MAP7: variants seen among roughly 807,000 people sequenced by gnomAD.
MAP7 encodes microtubule associated protein 7.
MAP7 carries 52 observed loss-of-function variants against 94.8 expected under a neutral mutation model. The observed-to-expected ratio is 0.55, with a 90% CI of 0.44 to 0.69. The LOEUF (loss-of-function observed/expected upper bound fraction) is 0.69, where lower values mean the gene tolerates loss of function less well. Among genes scored for constraint, MAP7 ranks in the 30% least tolerant of loss-of-function variants. The pLI, the probability that MAP7 is intolerant of heterozygous loss-of-function variation, is 0.00. For missense variants in MAP7, 940 were observed against 964.6 expected, an observed-to-expected ratio of 0.97 and a Z score of 0.34; for synonymous variants, 350 against 357.0, an observed-to-expected ratio of 0.98 and a Z score of 0.22.
At chr6:136,371,595 A>G (rs1774527090) in intron 8 of MAP7, among the ~76,000 whole-genome samples, 1 of 152,234 alleles carries the variant, frequency 6.6e-6, no homozygotes, top group Non-Finnish European at 1.5e-5. Flanking sequence ...AGGTTTATAA[A>G]TCTGAATTGC....
intron 8 of MAP7, among the ~76,000 whole-genome samples, chr6:136,368,509 C>T (rs970037871): frequency 6.6e-6 from 1 of 152,138 alleles, no homozygotes; most frequent in Non-Finnish European, 1.5e-5. Context: ...TACTTTAACG[C>T]AGTGCTGTTT....
At chr6:136,426,435 T>TA (rs1793161122) in intron 1 of MAP7, among the ~76,000 whole-genome samples, 1 of 152,182 alleles carries the variant, frequency 6.6e-6, no homozygotes, top group South Asian at 2.1e-4. Context: ...AGTGTGCACA[T>TA]ACATGAAATT....
At chr6:136,436,234 T>C (rs899391078) in intron 1 of MAP7, among the ~76,000 whole-genome samples, 1 of 152,212 alleles carries the variant, frequency 6.6e-6, no homozygotes, top group African/African-American at 2.4e-5. Flanking sequence ...TGTTCCTCAA[T>C]TAATACTTTT....
intron 1 of MAP7, among the ~76,000 whole-genome samples, chr6:136,528,861 T>C (rs1213253376): frequency 1.3e-5 from 2 of 151,922 alleles, no homozygotes; most frequent in African/African-American, 4.9e-5. Flanking sequence ...TTCCTTCCCT[T>C]ATAAAGGACA....
intron 16 of MAP7, among the ~76,000 whole-genome samples, chr6:136,354,617 G>T (rs1415476507): frequency 6.6e-6 from 1 of 151,554 alleles, no homozygotes; most frequent in Admixed American, 6.6e-5. Context: ...GGTGAAAGTA[G>T]AAAAAGGCTA....
At chr6:136,388,167 T>G (rs965808914) in intron 5 of MAP7, among the ~76,000 whole-genome samples, 2 of 152,208 alleles carry the variant, frequency 1.3e-5, no homozygotes, top group Non-Finnish European at 2.9e-5. Context: ...TTTCTCCCTT[T>G]AAGGAATTTT....
At chr6:136,365,042 T>C (rs1434591485) in intron 10 of MAP7, 1 of 152,282 alleles carries the variant, frequency 6.6e-6, no homozygotes. Flanking sequence ...TTTTGTGAAA[T>C]GGACTCAGCC....
At chr6:136,429,975 T>C (rs1260328068) in intron 1 of MAP7, among the ~76,000 whole-genome samples, 3 of 152,144 alleles carry the variant, frequency 2.0e-5, no homozygotes, top group Non-Finnish European at 4.4e-5. Flanking sequence ...ATGAATAATG[T>C]TTACGACTAA....
intron 7 of MAP7, 73 bp from the exon 8 acceptor site, chr6:136,372,698 T>C (rs758090516): frequency 1.9e-5 from 30 of 1,601,518 alleles, no homozygotes; most frequent in African/African-American, 4.0e-5. Flanking sequence ...AGAGGAGCAG[T>C]TGAAGAAAGC....
intron 3 of MAP7, among the ~76,000 whole-genome samples, chr6:136,409,259 TC>T (rs1786591410): frequency 6.6e-6 from 1 of 151,750 alleles, no homozygotes; most frequent in East Asian, 1.9e-4. Context: ...GTGACGTGAG[TC>T]TGTAATGCCA....
intron 8 of MAP7, among the ~76,000 whole-genome samples, chr6:136,369,072 G>A (rs1163353575): frequency 6.6e-6 from 1 of 152,146 alleles, no homozygotes; most frequent in East Asian, 1.9e-4. Flanking sequence ...TCAGATTCTG[G>A]AATACTTGCA....
chr6:136,395,992 G>T (rs962994086), intron 3 of MAP7, among the ~76,000 whole-genome samples: 2 of 152,122 alleles, frequency 1.3e-5, no homozygotes, highest in African/African-American at 4.8e-5. Flanking sequence ...TTGAAGTCAG[G>T]TCGTACGATG....
At chr6:136,448,174 A>G (rs566588866) in intron 1 of MAP7, among the ~76,000 whole-genome samples, 1 of 152,218 alleles carries the variant, frequency 6.6e-6, no homozygotes, top group Admixed American at 6.5e-5. Flanking sequence ...CCTGGCCGAC[A>G]CAGCGAGACT....
At chr6:136,500,510 A>T (rs1819529719) in intron 1 of MAP7, among the ~76,000 whole-genome samples, 1 of 152,194 alleles carries the variant, frequency 6.6e-6, no homozygotes, top group Non-Finnish European at 1.5e-5. Flanking sequence ...CTTTTCACTG[A>T]TCTTGAATCA....
At chr6:136,447,799 C>T (rs542712336) in intron 1 of MAP7, among the ~76,000 whole-genome samples, 1 of 152,214 alleles carries the variant, frequency 6.6e-6, no homozygotes, top group South Asian at 2.1e-4. Context: ...TGACATTGTG[C>T]TGCTAAAATA....
intron 1 of MAP7, among the ~76,000 whole-genome samples, chr6:136,426,456 A>G (rs143150504): frequency 6.6e-6 from 1 of 152,174 alleles, no homozygotes; most frequent in African/African-American, 2.4e-5. Context: ...GCAACAATAG[A>G]CCGATTCAAT....
chr6:136,519,823 TCA>T (rs1825877266), intron 1 of MAP7, among the ~76,000 whole-genome samples: 1 of 152,164 alleles, frequency 6.6e-6, no homozygotes, highest in Non-Finnish European at 1.5e-5. Flanking sequence ...ACCTTAATAT[TCA>T]CAAAGTGGTC....
At chr6:136,532,964 C>T (rs1828589480) in intron 1 of MAP7, among the ~76,000 whole-genome samples, 1 of 152,224 alleles carries the variant, frequency 6.6e-6, no homozygotes, top group Non-Finnish European at 1.5e-5. Flanking sequence ...TTCCAGACTT[C>T]CCACATTCTC....
chr6:136,526,358 C>T, intron 1 of MAP7: 1 of 996,086 alleles, frequency 1.0e-6, no homozygotes, highest in Non-Finnish European at 1.2e-6. Flanking sequence ...CACCACTGCA[C>T]AACCTGTTCA....
Sources: gnomAD v4.1 joint callset for allele counts (sites outside exome capture counted in the v4.1 genomes callset) on GRCh38, gnomAD v4.1.1 for gene constraint, MANE v1.5 for transcripts, NCBI Gene and HGNC (gene_info 2026-07-23, HGNC 2026-07-21) for gene names.